MMP24: variants seen among roughly 807,000 people sequenced by gnomAD.
The protein encoded by MMP24 is matrix metalloproteinase-24.
In MMP24, 25 loss-of-function variants were observed where a neutral mutation model predicts 62.8. The ratio of observed to expected loss-of-function variants is 0.40; its 90% CI spans 0.29 to 0.56. The LOEUF is 0.56. Ranked by LOEUF, MMP24 falls within the 20% of genes least tolerant of loss-of-function variation. The pLI is 0.50. For missense variants in MMP24, 634 were observed against 853.6 expected, an observed-to-expected ratio of 0.74 and a Z score of 3.21; for synonymous variants, 319 against 350.5, an observed-to-expected ratio of 0.91 and a Z score of 1.00.
At chr20:35,229,391 C>G (rs2060428261) in intron 1 of MMP24, among the ~76,000 whole-genome samples, 1 of 152,202 alleles carries the variant, frequency 6.6e-6, no homozygotes, top group African/African-American at 2.4e-5. Context: ...AATCCCCTTT[C>G]ATTCACGGAA....
chr20:35,248,040 A>G (rs1193471082), intron 2 of MMP24, among the ~76,000 whole-genome samples: 1 of 152,222 alleles, frequency 6.6e-6, no homozygotes, highest in Non-Finnish European at 1.5e-5. Flanking sequence ...AGCCATTCAC[A>G]TCATTAAAGC....
intron 1 of MMP24, among the ~76,000 whole-genome samples, 190 bp downstream of exon 1, chr20:35,227,174 C>T (rs2060417848): frequency 1.3e-5 from 2 of 150,662 alleles, no homozygotes; most frequent in African/African-American, 2.4e-5. Flanking sequence ...TCGCCGAGGG[C>T]CGCCGAGGCC....
chr20:35,227,034 G>C (rs1285833546), intron 1 of MMP24, 50 bp downstream of exon 1: 2 of 978,506 alleles, frequency 2.0e-6, no homozygotes, highest in African/African-American at 3.5e-5. Context: ...ATCCGGGCAG[G>C]GCGGGGGGCG....
chr20:35,273,100 C>T (rs1397887567), intron 8 of MMP24, among the ~76,000 whole-genome samples: 2 of 152,034 alleles, frequency 1.3e-5, no homozygotes, highest in Non-Finnish European at 2.9e-5. Context: ...AGTCTAGGGG[C>T]ATAAAGCAAG....
At chr20:35,229,625 G>A (rs79029063) in intron 1 of MMP24, among the ~76,000 whole-genome samples, 10,891 of 152,148 alleles carry the variant, frequency 0.072, 1,302 homozygotes, top group African/African-American at 0.25. Flanking sequence ...CTTTTAAGCC[G>A]GCAGATAATA....
chr20:35,234,014 C>T (rs978062163), intron 1 of MMP24, among the ~76,000 whole-genome samples: 1 of 152,096 alleles, frequency 6.6e-6, no homozygotes, highest in African/African-American at 2.4e-5. Flanking sequence ...CTTAATGAAG[C>T]CGATGAGGCC....
At chr20:35,257,337 A>G (rs941628022) in intron 4 of MMP24, among the ~76,000 whole-genome samples, 3 of 152,146 alleles carry the variant, frequency 2.0e-5, no homozygotes, top group African/African-American at 7.2e-5. Flanking sequence ...TATGTCCTGC[A>G]TGTATTCCTG....
In MMP24 at chr20:35,274,974, CACCCTCTGTGGGA is replaced by C. The variant is rs1393107218; in HGVS notation, c.*367_*379del. 4.1e-6 allele frequency: 1 copy of C among 246,292 alleles called. No individual in the cohort carries two copies. Among genetic ancestry groups the C allele is most frequent in the Non-Finnish European group, 7.9e-6 (1 of 126,874 alleles). The allele number at this position is 246,292 out of a possible 1,614,324, so 15.3% of individuals were successfully genotyped here. ...AGCTCCACTCCTGGCTGGAACCCAGCACCCTCTGTGGGAAGCCAGCACTAGCTCTCATCCCCCA... is the reference window on the plus strand; with the variant it reads ...AGCTCCACTCCTGGCTGGAACCCAGCAGCCAGCACTAGCTCTCATCCCCCA... On this transcript the variant is annotated 3_prime_UTR_variant, in exon 9 of 9. Coordinates refer to ENST00000246186, the MANE Select transcript of MMP24 (RefSeq NM_006690.4). The surrounding 1 kb of genome is among the most constrained non-coding windows in gnomAD (Gnocchi z 5.1).
At chr20:35,264,507 C>A (rs2060621009) in intron 5 of MMP24, among the ~76,000 whole-genome samples, 1 of 151,856 alleles carries the variant, frequency 6.6e-6, no homozygotes, top group South Asian at 2.1e-4. Flanking sequence ...GTCTGGCCAA[C>A]ATGGTGAAAC....
intron 1 of MMP24, among the ~76,000 whole-genome samples, chr20:35,232,767 G>T (rs554926341): frequency 6.6e-6 from 1 of 152,162 alleles, no homozygotes; most frequent in African/African-American, 2.4e-5. Context: ...AGGAGAAGAG[G>T]CTGGAGAGGG....
At chr20:35,235,654 C>T (rs544319980) in intron 1 of MMP24, among the ~76,000 whole-genome samples, 11 of 152,058 alleles carry the variant, frequency 7.2e-5, no homozygotes, top group African/African-American at 1.4e-4. Flanking sequence ...GCCAAAATCA[C>T]GCCATTGCAC....
At chr20:35,249,949 TTTTA>T (rs1397596372) in intron 2 of MMP24, among the ~76,000 whole-genome samples, 1 of 151,914 alleles carries the variant, frequency 6.6e-6, no homozygotes, top group South Asian at 2.1e-4. Flanking sequence ...AACTTTTTTA[TTTTA>T]TTTATTTATT....
intron 1 of MMP24, among the ~76,000 whole-genome samples, chr20:35,238,825 C>T (rs1402510443): frequency 6.6e-6 from 1 of 152,188 alleles, no homozygotes; most frequent in African/African-American, 2.4e-5. Context: ...CTATTCTTCA[C>T]AGCACTTATT....
At chr20:35,263,756 G>A (rs758548320) in intron 4 of MMP24, 35 bp from the exon 5 acceptor site, 1 of 1,465,802 alleles carries the variant, frequency 6.8e-7, no homozygotes, top group East Asian at 2.6e-5. Context: ...ATCTAAGCAG[G>A]TGCCCTGGGC....
chr20:35,236,422 C>A (rs1178574990), intron 1 of MMP24, among the ~76,000 whole-genome samples: 2 of 152,202 alleles, frequency 1.3e-5, no homozygotes, highest in Non-Finnish European at 2.9e-5. Flanking sequence ...GTGACCAGTG[C>A]ATTTTCTAGA....
chr20:35,254,172 A>G (rs905060081), intron 3 of MMP24, among the ~76,000 whole-genome samples: 3 of 152,188 alleles, frequency 2.0e-5, no homozygotes, highest in East Asian at 1.9e-4. Flanking sequence ...CCCAGCCCCA[A>G]TTTACTTTTC....
chr20:35,276,209 C>T lies in MMP24; in HGVS notation c.*1600C>T. 1 of 398,902 alleles carries T rather than the reference C, an allele frequency of 2.5e-6. No individual in the cohort carries two copies. Among genetic ancestry groups the T allele is most frequent in the Non-Finnish European group, 4.4e-6 (1 of 226,110 alleles). 24.7% of individuals were successfully genotyped at this position (398,902 alleles called of 1,614,324 possible). ...CCCTGGGAGCTGTCTCAAGCAAAAT[C>T]TCTTGTCCCAGAGGTGCCCATGTGG... On this transcript the variant is annotated 3_prime_UTR_variant, in exon 9 of 9. Transcript: ENST00000246186.
chr20:35,253,689 T>C (rs2060560240), intron 3 of MMP24, among the ~76,000 whole-genome samples: 1 of 152,144 alleles, frequency 6.6e-6, no homozygotes, highest in Non-Finnish European at 1.5e-5. Context: ...TTAAATCAGA[T>C]ACCGGCCAGC....
At chr20:35,258,936 T>A (rs1031858916) in intron 4 of MMP24, among the ~76,000 whole-genome samples, 1 of 151,604 alleles carries the variant, frequency 6.6e-6, no homozygotes, top group Non-Finnish European at 1.5e-5. Flanking sequence ...TCCCAGCACT[T>A]TGGGAGGCCG....
Sources: allele counts gnomAD v4.1 joint callset (sites outside exome capture counted in the v4.1 genomes callset), GRCh38; gene constraint gnomAD v4.1.1; non-coding constraint Gnocchi (gnomAD v3.1); transcripts MANE v1.5; gene names NCBI Gene and HGNC (gene_info 2026-07-23, HGNC 2026-07-21).